KCNH1: variants seen among roughly 807,000 people sequenced by gnomAD.
KCNH1 encodes voltage-gated delayed rectifier potassium channel KCNH1.
In KCNH1, 27 loss-of-function variants were observed where a neutral mutation model predicts 69.2. That is an observed-to-expected ratio of 0.39 (90% CI 0.29 to 0.54). KCNH1 has a LOEUF of 0.54. Among genes scored for constraint, KCNH1 ranks in the 20% least tolerant of loss-of-function variants. The pLI is 0.68. For synonymous variants in KCNH1, 456 were observed against 487.7 expected (o/e 0.93, Z 0.86); for missense variants, 798 against 1,261.6 (o/e 0.63, Z 5.57).
At chr1:210,821,755 T>C (rs1177871686) in intron 7 of KCNH1, among the ~76,000 whole-genome samples, 1 of 152,156 alleles carries the variant, frequency 6.6e-6, no homozygotes, top group Admixed American at 6.6e-5. Context: ...TAATTTGAAA[T>C]GGAGTAGGCT....
rs562374242 is a variant in KCNH1, at chr1:210,813,308, C to T, written c.1463-9142G>A. Among the ~76,000 whole-genome samples, 17 of 152,308 alleles carry T rather than the reference C, an allele frequency of 1.1e-4. No homozygotes were observed. The South Asian group carries it at 3.3e-3, about 30-fold the overall frequency. On this transcript the variant is annotated intron_variant, in intron 7 of 10. Transcript: ENST00000271751. ...CAGAAGAGAGATGTTTTAAACTAAG[C>T]TCATCATGCACAGAGGCCTTCAAAG...
At chr1:210,816,234 G>A (rs114116961) in intron 7 of KCNH1, among the ~76,000 whole-genome samples, 1,985 of 152,258 alleles carry the variant, frequency 0.013, 15 homozygotes, top group Non-Finnish European at 0.02. Context: ...AACCTGCTAA[G>A]AATAGCATGA....
intron 5 of KCNH1, among the ~76,000 whole-genome samples, chr1:211,069,073 T>G (rs961847498): frequency 1.2e-4 from 19 of 152,166 alleles, no homozygotes; most frequent in Non-Finnish European, 1.9e-4. Context: ...ATTCTGTTCT[T>G]AACAAGGCCT....
chr1:211,032,428 A>G (rs1160960396), intron 5 of KCNH1, among the ~76,000 whole-genome samples: 4 of 152,310 alleles, frequency 2.6e-5, no homozygotes, highest in Non-Finnish European at 4.4e-5. Flanking sequence ...GTTCATATGG[A>G]ACCAAAAAAG....
At chr1:210,861,053 T>A (rs1685967885) in intron 7 of KCNH1, 2 of 978,268 alleles carry the variant, frequency 2.0e-6, no homozygotes, top group Admixed American at 3.5e-5. Flanking sequence ...CATAGTCTTT[T>A]GAAGTACCTC....
intron 5 of KCNH1, among the ~76,000 whole-genome samples, chr1:211,050,035 C>A (rs770132039): frequency 1.2e-4 from 18 of 151,970 alleles, no homozygotes; most frequent in Non-Finnish European, 2.2e-4. Flanking sequence ...AAGTAGAGCA[C>A]CCTCCATAAA....
At chr1:210,796,575 C>T (rs1190467510) in intron 9 of KCNH1, among the ~76,000 whole-genome samples, 1 of 152,178 alleles carries the variant, frequency 6.6e-6, no homozygotes, top group Non-Finnish European at 1.5e-5. Flanking sequence ...GCTCCTCCTC[C>T]CACATTCTCT....
Position 210,679,198 on chromosome 1 carries a change from G to C in KCNH1, c.*4083C>G, listed in dbSNP as rs1681207060. 1.3e-5 allele frequency: 2 copies of C among 152,232 alleles called. No individual in the cohort carries two copies. Among genetic ancestry groups the C allele is most frequent in the Admixed American group, 6.5e-5 (1 of 15,280 alleles). The allele number at this position is 152,232 out of a possible 1,614,324, so 9.4% of individuals were successfully genotyped here. A position where few individuals can be genotyped will look rare whatever the true frequency, so the allele number is the denominator to read the frequency against. ...TGAAGGTAATTTTTAATTGAAGCGA[G>C]TGAGAAGGCAGTATATAGAGCAATA... On this transcript the variant is annotated 3_prime_UTR_variant, in exon 11 of 11. Coordinates refer to ENST00000271751, the MANE Select transcript of KCNH1 (RefSeq NM_172362.3).
intron 7 of KCNH1, among the ~76,000 whole-genome samples, chr1:210,917,325 G>C (rs6698448): frequency 0.38 from 57,155 of 150,832 alleles, 11,243 homozygotes; most frequent in Non-Finnish European, 0.42. Context: ...GAAAGAAAGG[G>C]AGACAGAGAC....
intron 10 of KCNH1, among the ~76,000 whole-genome samples, chr1:210,730,841 C>G (rs1015773185): frequency 3.9e-5 from 6 of 152,154 alleles, no homozygotes; most frequent in Non-Finnish European, 8.8e-5. Context: ...CTACTCATGC[C>G]CAACCATAAT....
At chr1:210,734,951 G>C (rs1056398291) in intron 10 of KCNH1, among the ~76,000 whole-genome samples, 1 of 151,994 alleles carries the variant, frequency 6.6e-6, no homozygotes, top group Non-Finnish European at 1.5e-5. Flanking sequence ...AAGCCCTTTG[G>C]TAGCTCCTAC....
chr1:211,102,031 A>G (rs897914570), intron 3 of KCNH1, among the ~76,000 whole-genome samples: 1 of 152,170 alleles, frequency 6.6e-6, no homozygotes, highest in African/African-American at 2.4e-5. Context: ...CCATCATTTG[A>G]TCTAGTTGGT....
chr1:211,132,344 T>C (rs935270381), intron 1 of KCNH1, among the ~76,000 whole-genome samples: 13 of 152,186 alleles, frequency 8.5e-5, no homozygotes, highest in Non-Finnish European at 1.2e-4. Context: ...GCAAAACAGT[T>C]CATTGTGGCT....
intron 7 of KCNH1, among the ~76,000 whole-genome samples, chr1:210,910,385 C>T (rs183018555): frequency 1.1e-4 from 16 of 152,292 alleles, no homozygotes; most frequent in South Asian, 2.1e-4. Flanking sequence ...CACTAGCCTA[C>T]GGCAAAAAGG....
chr1:210,980,791 G>C (rs1345426258), intron 6 of KCNH1, among the ~76,000 whole-genome samples: 1 of 151,088 alleles, frequency 6.6e-6, no homozygotes, highest in Admixed American at 6.6e-5. Flanking sequence ...AAGAAGCTAT[G>C]AGATGGGACA....
intron 7 of KCNH1, among the ~76,000 whole-genome samples, chr1:210,814,752 A>T (rs76573554): frequency 2.6e-5 from 4 of 152,340 alleles, no homozygotes; most frequent in Admixed American, 6.5e-5. Flanking sequence ...AGTAAATCTT[A>T]GTTTTCTTTC....
At chr1:210,975,487 G>C (rs923902369) in intron 6 of KCNH1, among the ~76,000 whole-genome samples, 2 of 152,266 alleles carry the variant, frequency 1.3e-5, no homozygotes, top group African/African-American at 2.4e-5. Flanking sequence ...TGACAAAAAA[G>C]AAGAAATGGG....
intron 7 of KCNH1, among the ~76,000 whole-genome samples, chr1:210,846,193 T>C (rs929142642): frequency 6.6e-6 from 1 of 152,222 alleles, no homozygotes; most frequent in Non-Finnish European, 1.5e-5. Context: ...GCCATCAAGC[T>C]ACCAATGACT....
At position 211,133,684 on chromosome 1, in the gene KCNH1, A is replaced by AGACCC. The variant is rs1691918986; in HGVS notation, c.79+178_79+182dup. 6.6e-6 allele frequency among the ~76,000 whole-genome samples: 1 copy of AGACCC among 152,114 alleles called. No homozygotes were observed. Among genetic ancestry groups the AGACCC allele is most frequent in the South Asian group, 2.1e-4 (1 of 4,830 alleles). On this transcript the variant is annotated intron_variant, in intron 1 of 10. Coordinates refer to ENST00000271751, the MANE Select transcript of KCNH1 (RefSeq NM_172362.3). This position sits in a 1 kb window ranked among gnomAD's most constrained non-coding sequence, Gnocchi z 5.4. ...TCTCCTGTTAGGATGGGGACCCATC[A>AGACCC]GACCCCGCCCCGCCCTGCCCACCTT... is the stretch of plus-strand genomic sequence containing the variant.
Sources: gnomAD v4.1 joint callset for allele counts (sites outside exome capture counted in the v4.1 genomes callset) on GRCh38, gnomAD v4.1.1 for gene constraint, Gnocchi (gnomAD v3.1) non-coding constraint, MANE v1.5 for transcripts, NCBI Gene and HGNC (gene_info 2026-07-23, HGNC 2026-07-21) for gene names.